Variants in SPEG observed in about 807,000 individuals in gnomAD.
The protein encoded by SPEG is striated muscle preferentially expressed protein kinase.
SPEG carries 114 observed loss-of-function variants against 300.4 expected under a neutral mutation model. The ratio of observed to expected loss-of-function variants is 0.38; its 90% CI spans 0.33 to 0.44. The LOEUF (loss-of-function observed/expected upper bound fraction) is 0.44, where lower values mean the gene tolerates loss of function less well. SPEG is among the 20% of genes least tolerant of loss of function. SPEG has a pLI of 1.00. For synonymous variants in SPEG, 1,964 were observed against 2,018.9 expected, an observed-to-expected ratio of 0.97 and a Z score of 0.73; for missense variants, 4,201 against 4,586.2, an observed-to-expected ratio of 0.92 and a Z score of 2.43.
At chr2:219,455,706 G>T (rs952439223) in intron 6 of SPEG, among the ~76,000 whole-genome samples, 17 of 152,174 alleles carry the variant, frequency 1.1e-4, no homozygotes, top group African/African-American at 4.1e-4. Flanking sequence ...GGAGGGCACT[G>T]GTGATGCCCT....
chr2:219,465,873 G>T (rs1352153419), intron 9 of SPEG: 2 of 628,630 alleles, frequency 3.2e-6, no homozygotes, highest in Non-Finnish European at 5.7e-6. Context: ...GTGTGCGTGT[G>T]TGCGTGCGTG....
intron 10 of SPEG, 127 bp downstream of exon 10, chr2:219,467,561 A>G: frequency 9.0e-7 from 1 of 1,115,242 alleles, no homozygotes; most frequent in Admixed American, 2.4e-5. Context: ...GGAGGGTGGG[A>G]GCTAGTACAT....
intron 6 of SPEG, among the ~76,000 whole-genome samples, chr2:219,454,358 C>G (rs1322807190): frequency 2.6e-5 from 4 of 152,126 alleles, no homozygotes; most frequent in African/African-American, 4.8e-5. Flanking sequence ...GCCATTCTCC[C>G]AAAGCGGATG....
rs772920788 is a variant in SPEG at position 219,488,892 on chromosome 2, G to A, written c.8141G>A (p.Arg2714Gln). The A allele has an allele frequency of 6.0e-5, 95 of 1,584,174 alleles. No homozygotes were observed. The highest frequency in any genetic ancestry group is 5.1e-4 in the South Asian group (45 of 87,908). Residue 2714 changes from arginine to glutamine, a missense_variant, in exon 34 of 41, where the codon CGA (arginine) becomes CAA (glutamine). Coordinates refer to ENST00000312358, the MANE Select transcript of SPEG (RefSeq NM_005876.5). ...RAPCTYTLER[R>Q]VDGESVWHPV... ...CCTTGCACGTATACGCTGGAGCGGC[G>A]AGTGGATGGTGAGGATGGGGCAGCT...
Position 219,439,558 on chromosome 2 carries a change from A to C in SPEG, c.388+4193A>C, listed in dbSNP as rs75479305. On this transcript the variant is annotated intron_variant, in intron 1 of 40. Coordinates refer to ENST00000312358, the MANE Select transcript of SPEG (RefSeq NM_005876.5). The surrounding 1 kb of genome is among the most constrained non-coding windows in gnomAD (Gnocchi z 4.5). Reference sequence around the variant, plus strand: ...ATTTGGATTTTCTCTGGTTGGAGGGAAATGCTGGCAGTGCAGAAATTGGAA... The same window carrying C: ...ATTTGGATTTTCTCTGGTTGGAGGGCAATGCTGGCAGTGCAGAAATTGGAA... Among the ~76,000 whole-genome samples the C allele has an allele frequency of 0.021, 3,130 of 152,116 alleles. 91 individuals are homozygous for C. The highest frequency in any genetic ancestry group is 0.06 in the African/African-American group (2,498 of 41,486).
In SPEG at chr2:219,472,237, A is replaced by G. The variant is rs754934880; in HGVS notation, c.3846A>G (p.Pro1282=). 1 of 1,613,758 alleles carries G rather than the reference A, an allele frequency of 6.2e-7. No homozygotes were observed. Among genetic ancestry groups the G allele is most frequent in the Non-Finnish European group, 8.5e-7 (1 of 1,179,980 alleles). The change falls in exon 15 of 41, where the codon CCA becomes CCG. Residue 1282 remains proline, a synonymous_variant. Transcript: ENST00000312358. ...AACTGCGGCTTTCAGATGTGGTCCC[A>G]GGCCCTCCAGATGGCGCCCCGCAGG... is the stretch of plus-strand genomic sequence containing the variant. ...YAHLYVTDVV[P]GPPDGAPQVV... is the part of the protein sequence containing the mutation.
In SPEG at chr2:219,473,992, G is replaced by A; in HGVS notation, c.4447+89G>A. The stretch of plus-strand genomic sequence containing the variant: ...CCAGGTACACAACCTGCCTGACACT[G>A]CTGCAGATCCAAACCCATGTCCTCT... On this transcript the variant is annotated intron_variant, in intron 18 of 40. Coordinates refer to ENST00000312358, the MANE Select transcript of SPEG (RefSeq NM_005876.5). This position sits in a 1 kb window ranked among gnomAD's most constrained non-coding sequence, Gnocchi z 4.6. The A allele has an allele frequency of 7.2e-7, 1 of 1,394,902 alleles. No homozygotes were observed. The highest frequency in any genetic ancestry group is 9.7e-7 in the Non-Finnish European group (1 of 1,029,574). The allele number at this position is 1,394,902 out of a possible 1,614,324, so 86.4% of individuals were successfully genotyped here.
chr2:219,479,133 C>A lies in SPEG; in HGVS notation c.5028-11C>A. The A allele has an allele frequency of 6.2e-7, 1 of 1,613,146 alleles. No homozygotes were observed. The highest frequency in any genetic ancestry group is 1.3e-5 in the African/African-American group (1 of 75,042). On this transcript the variant is annotated splice_polypyrimidine_tract_variant and intron_variant, in intron 22 of 40. Coordinates refer to ENST00000312358, the MANE Select transcript of SPEG (RefSeq NM_005876.5). The surrounding 1 kb of genome is among the most constrained non-coding windows in gnomAD (Gnocchi z 5.5). ...GGCACTGGGCACTGTTCTCCTTGATCTGGGATGTAGCTGCACAGAGGAGCT... is the reference window on the plus strand; with the variant it reads ...GGCACTGGGCACTGTTCTCCTTGATATGGGATGTAGCTGCACAGAGGAGCT...
In SPEG at chr2:219,440,551, A is replaced by ATTTAT. The variant is rs942878063; in HGVS notation, c.389-4089_389-4085dup. ...ACAAAACTCATCAGTCTGTCCCTGT[A>ATTTAT]TTTATTTTATTTTATTTATTTATTT... is the stretch of plus-strand genomic sequence containing the variant. On this transcript the variant is annotated intron_variant, in intron 1 of 40. Coordinates refer to ENST00000312358, the MANE Select transcript of SPEG (RefSeq NM_005876.5). Among the ~76,000 whole-genome samples, 7 of 145,346 alleles carry ATTTAT rather than the reference A, an allele frequency of 4.8e-5. 2 individuals carry two copies. The highest frequency in any genetic ancestry group is 1.3e-4 in the African/African-American group (5 of 39,370).
rs369047644 is a variant in SPEG at position 219,490,621 on chromosome 2, G to A, written c.9134G>A (p.Arg3045Gln). The A allele has an allele frequency of 6.9e-5, 112 of 1,611,756 alleles. 1 individual carries two copies. In the South Asian group the frequency reaches 7.9e-4, roughly 11 times the overall value. The change falls in exon 37 of 41, where the codon CGG (arginine) becomes CAG (glutamine). Residue 3045 changes from arginine to glutamine, a missense_variant. Around this residue, in one of 4 missense-constraint regions of SPEG, gnomAD observed 318 missense variants for 429.5 expected, o/e 0.74. Transcript: ENST00000312358. ...CTCATTGCTGAGAGCTGTGGCAACC[G>A]GGAACTCCTCTGTGGGCTCAGTGAC... ...LVLIAESCGN[R>Q]ELLCGLSDRF...
Position 219,477,930 on chromosome 2 carries a change from A to G in SPEG, c.4852A>G (p.Ile1618Val), listed in dbSNP as rs995411647. 20 of 1,614,044 alleles carry G rather than the reference A, an allele frequency of 1.2e-5. No individual in the cohort carries two copies. The highest frequency in any genetic ancestry group is 1.7e-5 in the Admixed American group (1 of 60,010). Residue 1618 changes from isoleucine (I) to valine (V), a missense_variant, in exon 22 of 41, where the codon ATA (isoleucine) becomes GTA (valine). Ile to Val is a conservative substitution (Grantham distance 29). Around this residue, in one of 4 missense-constraint regions of SPEG, gnomAD observed 1,047 missense variants for 1,356.8 expected, o/e 0.77. Coordinates refer to ENST00000312358, the MANE Select transcript of SPEG (RefSeq NM_005876.5). The surrounding 1 kb of genome is among the most constrained non-coding windows in gnomAD (Gnocchi z 6.4). ...GRGAFSYLRR[I>V]VERSSGLEFA... The stretch of plus-strand genomic sequence containing the variant: ...GGGTGCTTTCTCCTACTTGCGGCGC[A>G]TAGTGGAGCGTAGCTCCGGCCTGGA...
In SPEG at chr2:219,472,436, C is replaced by T. The variant is rs1691966921; in HGVS notation, c.3940+105C>T. On this transcript the variant is annotated intron_variant, in intron 15 of 40. Transcript: ENST00000312358. Reference sequence around the variant, plus strand: ...GGCCCCAGAAGCGGATGGGCAGGGGCAGGAGCTGATGGAATGCTGGTGGGA... The same window carrying T: ...GGCCCCAGAAGCGGATGGGCAGGGGTAGGAGCTGATGGAATGCTGGTGGGA... The T allele has an allele frequency of 5.1e-6, 5 of 971,858 alleles. No homozygotes were observed. The East Asian group carries it at 1.3e-4, about 25-fold the overall frequency. 60.2% of individuals were successfully genotyped at this position (971,858 alleles called of 1,614,324 possible).
intron 1 of SPEG, among the ~76,000 whole-genome samples, chr2:219,436,280 A>T (rs1954717586): frequency 6.6e-6 from 1 of 152,198 alleles, no homozygotes; most frequent in Non-Finnish European, 1.5e-5. Flanking sequence ...TGGGGCTACC[A>T]TGGAGGCCAG....
rs755400881 is a variant in SPEG, at chr2:219,479,937, G to A, written c.5164-25G>A. 7.4e-6 allele frequency: 12 copies of A among 1,613,970 alleles called. No homozygotes were observed. The highest frequency in any genetic ancestry group is 4.0e-5 in the African/African-American group (3 of 74,926). ...GCATCCTTCCTTGTTCATTTGGCCC[G>A]CACACCTCGCCTTGTGTCTTCCAGC... is the stretch of plus-strand genomic sequence containing the variant. On this transcript the variant is annotated intron_variant, in intron 24 of 40. Coordinates refer to ENST00000312358, the MANE Select transcript of SPEG (RefSeq NM_005876.5). This position sits in a 1 kb window ranked among gnomAD's most constrained non-coding sequence, Gnocchi z 5.5.
chr2:219,466,348 C>T, intron 9 of SPEG: 1 of 1,400,470 alleles, frequency 7.1e-7, no homozygotes, highest in South Asian at 1.6e-5. Flanking sequence ...GTATCAACCC[C>T]CCGAGTCTCT....
chr2:219,470,210 T>C (rs979614340), intron 13 of SPEG, among the ~76,000 whole-genome samples: 1 of 152,212 alleles, frequency 6.6e-6, no homozygotes, highest in African/African-American at 2.4e-5. Flanking sequence ...ATAAGGCGGA[T>C]ACTATTAGCC....
Position 219,449,044 on chromosome 2 carries a change from G to C in SPEG, c.1886G>C (p.Arg629Pro). 1.3e-6 allele frequency: 2 copies of C among 1,518,650 alleles called. No individual in the cohort carries two copies. Among genetic ancestry groups the C allele is most frequent in the Non-Finnish European group, 1.8e-6 (2 of 1,133,136 alleles). The allele number at this position is 1,518,650 out of a possible 1,614,324, so 94.1% of individuals were successfully genotyped here. ...GCCAGGACGAAAGCACCCCCCGGTC[G>C]GAAGCGGGAGCCCCCGGCGCAGGCC... The part of the protein sequence containing the change: ...PEARTKAPPG[R>P]KREPPAQAVR... Residue 629 changes from arginine to proline, a missense_variant, in exon 4 of 41, where the codon CGG becomes CCG. Physicochemically the swap from Arg to Pro is moderately radical, Grantham distance 103. Transcript: ENST00000312358.
At chr2:219,466,023 C>A (rs781248506) in intron 9 of SPEG, 1 of 1,591,484 alleles carries the variant, frequency 6.3e-7, no homozygotes, top group South Asian at 1.1e-5. Context: ...CACTAACCTG[C>A]CGCTTGCTGA....
intron 9 of SPEG, chr2:219,466,178 C>T (rs950964510): frequency 8.7e-6 from 13 of 1,499,666 alleles, no homozygotes; most frequent in African/African-American, 2.8e-5. Context: ...CCAGGCCTGC[C>T]GGCCCGGACC....
Sources: gnomAD v4.1 joint callset for allele counts (sites outside exome capture counted in the v4.1 genomes callset) on GRCh38, gnomAD v4.1.1 for gene constraint, gnomAD v4.1.1 regional missense constraint, Gnocchi (gnomAD v3.1) non-coding constraint, MANE v1.5 for transcripts, NCBI Gene and HGNC (gene_info 2026-07-23, HGNC 2026-07-21) for gene names.